Variants in DLC1 observed in about 807,000 individuals in gnomAD.
DLC1 encodes rho GTPase-activating protein 7.
Under a neutral mutation model 140.3 loss-of-function variants are expected in DLC1, and 54 were observed. That is an observed-to-expected ratio of 0.38 (90% CI 0.31 to 0.48). The LOEUF (loss-of-function observed/expected upper bound fraction) is 0.48. DLC1 is among the 20% of genes least tolerant of loss of function. The pLI, the probability that DLC1 is intolerant of heterozygous loss-of-function variation, is 0.96. For synonymous variants in DLC1, 986 were observed against 728.1 expected (o/e 1.35, Z -5.70); for missense variants, 2,536 against 1,907.0 (o/e 1.33, Z -6.14).
Position 13,403,182 on chromosome 8 carries a change from A to C in DLC1, c.1024-1563T>G, listed in dbSNP as rs765297320. 9.9e-5 allele frequency among the ~76,000 whole-genome samples: 15 copies of C among 152,242 alleles called. No homozygotes were observed. In the East Asian group the frequency reaches 2.9e-3, roughly 29 times the overall value. On this transcript the variant is annotated intron_variant, in intron 2 of 17. Coordinates refer to ENST00000276297, the MANE Select transcript of DLC1 (RefSeq NM_182643.3). Reference sequence around the variant, plus strand: ...GTTGTTATTACTTCAGTCTCCTCCTATTGTCCCTGCTGTTTGAAACAAGAC... The same window carrying C: ...GTTGTTATTACTTCAGTCTCCTCCTCTTGTCCCTGCTGTTTGAAACAAGAC...
intron 1 of DLC1, chr8:13,558,842 G>C (rs1443515301): frequency 6.6e-5 from 10 of 152,140 alleles, no homozygotes; most frequent in Non-Finnish European, 1.5e-5. Context: ...ACATAGATGA[G>C]TGAGTTCAGG....
chr8:13,439,972 C>G (rs1454085586), intron 2 of DLC1, among the ~76,000 whole-genome samples: 1 of 152,052 alleles, frequency 6.6e-6, no homozygotes, highest in Non-Finnish European at 1.5e-5. Context: ...ATGAAATGAC[C>G]ATAAAAATAG....
At chr8:13,096,491 G>C (rs1406763260) in intron 10 of DLC1, among the ~76,000 whole-genome samples, 1 of 152,102 alleles carries the variant, frequency 6.6e-6, no homozygotes, top group African/African-American at 2.4e-5. Flanking sequence ...AGTTAAGTGT[G>C]TGGTATCATG....
chr8:13,599,856 C>T (rs1418402571), intron 1 of DLC1, among the ~76,000 whole-genome samples: 2 of 151,862 alleles, frequency 1.3e-5, no homozygotes. Context: ...TATATGATAA[C>T]TAACTAAAAT....
chr8:13,593,602 T>C (rs1395909552), intron 1 of DLC1, among the ~76,000 whole-genome samples: 3 of 152,132 alleles, frequency 2.0e-5, no homozygotes, highest in Non-Finnish European at 4.4e-5. Flanking sequence ...ACCTTTGTTG[T>C]ATTGAGTCAC....
intron 5 of DLC1, among the ~76,000 whole-genome samples, chr8:13,238,381 C>T (rs1014876474): frequency 2.6e-5 from 4 of 151,972 alleles, no homozygotes; most frequent in African/African-American, 7.3e-5. Flanking sequence ...GGCATGGTGA[C>T]GCACACCTGT....
At chr8:13,318,895 A>G (rs1175068974) in intron 4 of DLC1, among the ~76,000 whole-genome samples, 1 of 152,220 alleles carries the variant, frequency 6.6e-6, no homozygotes, top group Non-Finnish European at 1.5e-5. Flanking sequence ...TGACCACACT[A>G]GAAAGTGTTT....
At chr8:13,231,984 A>G (rs1176324882) in intron 5 of DLC1, among the ~76,000 whole-genome samples, 5 of 152,150 alleles carry the variant, frequency 3.3e-5, no homozygotes, top group Non-Finnish European at 7.4e-5. Context: ...ACATCCAGTG[A>G]GGCCTACTTT....
rs905160486 is a variant in DLC1, at chr8:13,462,775, C to G, written c.1023+36274G>C. Among the ~76,000 whole-genome samples the G allele has an allele frequency of 3.3e-5, 5 of 152,218 alleles. No homozygotes were observed. The South Asian group carries it at 6.2e-4, about 19-fold the overall frequency. On this transcript the variant is annotated intron_variant, in intron 2 of 17. Coordinates refer to ENST00000276297, the MANE Select transcript of DLC1 (RefSeq NM_182643.3). Reference sequence around the variant, plus strand: ...TGTTCTTTATATCTAAGTTAAACAGCTTTTGGAAAACAGAAGACATTCACC... The same window carrying G: ...TGTTCTTTATATCTAAGTTAAACAGGTTTTGGAAAACAGAAGACATTCACC...
At position 13,393,584 on chromosome 8, in the gene DLC1, A is replaced by T; in HGVS notation, c.1283T>A (p.Val428Glu). The T allele has an allele frequency of 6.2e-7, 1 of 1,614,106 alleles. No homozygotes were observed. The highest frequency in any genetic ancestry group is 1.3e-5 in the African/African-American group (1 of 75,028). Reference sequence around the variant, plus strand: ...CTTGGGTTTGGTTCCAGAATTGGCTACTGGAGTGGAAGATGGGAGGTCCGT... The same window carrying T: ...CTTGGGTTTGGTTCCAGAATTGGCTTCTGGAGTGGAAGATGGGAGGTCCGT... ...ESTDLPSSTPVANSGTKPKTT... is the reference protein window; with the variant it reads ...ESTDLPSSTPEANSGTKPKTT... The change falls in exon 4 of 18, where the codon GTA (valine) becomes GAA (glutamate). Residue 428 changes from valine to glutamate, a missense_variant. By Grantham distance (121) the Val-to-Glu change is moderately radical. Transcript: ENST00000276297.
At position 13,084,400 on chromosome 8, in the gene DLC1, A is replaced by G. The variant is rs919914934; in HGVS notation, c.*1411T>C. ...AATCCTTCTTACAGCTCTCATTCATACATTATTCACTTTTGATCCATACAC... is the reference window on the plus strand; with the variant it reads ...AATCCTTCTTACAGCTCTCATTCATGCATTATTCACTTTTGATCCATACAC... On this transcript the variant is annotated 3_prime_UTR_variant, in exon 18 of 18. Coordinates refer to ENST00000276297, the MANE Select transcript of DLC1 (RefSeq NM_182643.3). The G allele has an allele frequency of 6.5e-6, 1 of 152,728 alleles. No homozygotes were observed. Among genetic ancestry groups the G allele is most frequent in the East Asian group, 1.9e-4 (1 of 5,186 alleles). The allele number at this position is 152,728 out of a possible 1,614,324, so 9.5% of individuals were successfully genotyped here.
chr8:13,106,201 A>C (rs978360418), intron 7 of DLC1, among the ~76,000 whole-genome samples: 5 of 152,214 alleles, frequency 3.3e-5, no homozygotes, highest in Non-Finnish European at 7.3e-5. Context: ...CATTGTATTA[A>C]AAGTAAAAAC....
rs80176434 is a variant in DLC1 at position 13,149,965 on chromosome 8, G to A, written c.1349-34308C>T. On this transcript the variant is annotated intron_variant, in intron 5 of 17. Transcript: ENST00000276297. ...ACTTTGTTTAAAGAAATCTTCTCAAGGAAATAATAGGCGTTTCTCAAGATC... is the reference window on the plus strand; with the variant it reads ...ACTTTGTTTAAAGAAATCTTCTCAAAGAAATAATAGGCGTTTCTCAAGATC... Among the ~76,000 whole-genome samples the A allele has an allele frequency of 4.0e-3, 605 of 152,326 alleles. 1 individual carries two copies. The highest frequency in any genetic ancestry group is 0.014 in the African/African-American group (586 of 41,576).
chr8:13,579,826 G>C (rs1040749010), intron 1 of DLC1, among the ~76,000 whole-genome samples: 2 of 151,806 alleles, frequency 1.3e-5, no homozygotes. Context: ...AGCACATTGT[G>C]AGTGCTCCAG....
At chr8:13,604,559 C>T (rs965988241) in exon 1 of DLC1, 5 of 152,102 alleles carry the variant, frequency 3.3e-5, no homozygotes, top group Non-Finnish European at 2.9e-5. Context: ...ATGTGTTATT[C>T]CAAAGCAGAG....
intron 5 of DLC1, among the ~76,000 whole-genome samples, chr8:13,160,706 G>T (rs180870790): frequency 4.1e-4 from 62 of 152,258 alleles, no homozygotes; most frequent in Non-Finnish European, 6.8e-4. Context: ...GATTAGGGAC[G>T]GCAGGGAGCA....
chr8:13,521,812 A>G (rs180939281), intron 1 of DLC1, among the ~76,000 whole-genome samples: 1 of 152,306 alleles, frequency 6.6e-6, no homozygotes, highest in Admixed American at 6.5e-5. Context: ...AAGTGGAACC[A>G]TTTGAGAACC....
Position 13,453,451 on chromosome 8 carries a change from T to C in DLC1, c.1023+45598A>G, listed in dbSNP as rs184491351. 4.0e-4 allele frequency among the ~76,000 whole-genome samples: 14 copies of C among 34,982 alleles called. 2 individuals are homozygous for C. The highest frequency in any genetic ancestry group is 9.5e-4 in the South Asian group (1 of 1,054). The allele number at this position is 34,982 out of a possible 152,430, so 22.9% of individuals were successfully genotyped here. On this transcript the variant is annotated intron_variant, in intron 2 of 17. Transcript: ENST00000276297. The stretch of plus-strand genomic sequence containing the variant: ...GTATATATATATGTATATATATACA[T>C]ATATATATGTATATATATACATATA...
intron 5 of DLC1, among the ~76,000 whole-genome samples, chr8:13,243,477 T>A (rs1253519152): frequency 6.6e-6 from 1 of 152,072 alleles, no homozygotes; most frequent in Non-Finnish European, 1.5e-5. Flanking sequence ...TGTATAAATG[T>A]CCAGTCTCAG....
Sources: allele counts gnomAD v4.1 joint callset (sites outside exome capture counted in the v4.1 genomes callset), GRCh38; gene constraint gnomAD v4.1.1; transcripts MANE v1.5; gene names NCBI Gene and HGNC (gene_info 2026-07-23, HGNC 2026-07-21).